ESPNL: variants seen among roughly 807,000 people sequenced by gnomAD.
ESPNL encodes espin like.
A neutral mutation model predicts 46.8 loss-of-function variants in ESPNL; 49 were observed. That is an observed-to-expected ratio of 1.05 (90% CI 0.83 to 1.33). ESPNL has a LOEUF of 1.33. Ranked by LOEUF, ESPNL falls within the 40% of genes most tolerant of loss-of-function variation. The pLI, the probability that ESPNL is intolerant of heterozygous loss-of-function variation, is 0.00. For synonymous variants in ESPNL, 664 were observed against 662.1 expected (o/e 1.00, Z -0.04); for missense variants, 1,540 against 1,436.6 (o/e 1.07, Z -1.16).
Position 238,131,900 on chromosome 2 carries a change from C to A in ESPNL, c.*168C>A. 1.4e-6 allele frequency: 1 copy of A among 736,244 alleles called. No individual in the cohort carries two copies. The allele number at this position is 736,244 out of a possible 1,614,324, so 45.6% of individuals were successfully genotyped here. A position where few individuals can be genotyped will look rare whatever the true frequency, so the allele number is the denominator to read the frequency against. On this transcript the variant is annotated 3_prime_UTR_variant, in exon 9 of 9. Transcript: ENST00000343063. Reference sequence around the variant, plus strand: ...TGTTCTGTTGTGGCATGGTTCTCCTCCGAGCTGGGACTCAGACTCCTTCTC... The same window carrying A: ...TGTTCTGTTGTGGCATGGTTCTCCTACGAGCTGGGACTCAGACTCCTTCTC...
chr2:238,113,736 T>G (rs1691758292), intron 4 of ESPNL, among the ~76,000 whole-genome samples: 1 of 152,172 alleles, frequency 6.6e-6, no homozygotes. Flanking sequence ...CCATTTTCTC[T>G]GAGGGTGGAG....
At chr2:238,123,046 C>A (rs1475195183) in intron 5 of ESPNL, among the ~76,000 whole-genome samples, 1 of 152,208 alleles carries the variant, frequency 6.6e-6, no homozygotes, top group Non-Finnish European at 1.5e-5. Flanking sequence ...GAGGCGTTCC[C>A]TTGCCCCCGA....
chr2:238,118,300 A>T (rs1182617857), intron 5 of ESPNL, among the ~76,000 whole-genome samples: 1 of 116,752 alleles, frequency 8.6e-6, no homozygotes, highest in East Asian at 3.0e-4. Context: ...GAATGGATGG[A>T]GGAGGGTAGA....
intron 5 of ESPNL, among the ~76,000 whole-genome samples, chr2:238,123,055 G>A (rs13392085): frequency 7.7e-4 from 117 of 152,294 alleles, no homozygotes; most frequent in African/African-American, 2.6e-3. Context: ...CCTTGCCCCC[G>A]AGTCCCAGGT....
At chr2:238,126,370 G>GTC (rs55674900) in intron 6 of ESPNL, among the ~76,000 whole-genome samples, 80,399 of 149,778 alleles carry the variant, frequency 0.54, 23,296 homozygotes, top group African/African-American at 0.77. Flanking sequence ...GTCTGTGTGT[G>GTC]TCTTTGTGAT....
At chr2:238,119,784 AC>A (rs1407041368) in intron 5 of ESPNL, among the ~76,000 whole-genome samples, 1 of 151,898 alleles carries the variant, frequency 6.6e-6, no homozygotes, top group Non-Finnish European at 1.5e-5. Context: ...CACCCCCCAA[AC>A]CCTTTGTCTC....
intron 5 of ESPNL, among the ~76,000 whole-genome samples, chr2:238,123,874 G>T (rs1354921119): frequency 1.3e-5 from 2 of 152,126 alleles, no homozygotes; most frequent in African/African-American, 4.8e-5. Flanking sequence ...CTTCCCCGTG[G>T]CCCAGTGGGG....
At chr2:238,103,851 C>G (rs962219551) in intron 2 of ESPNL, among the ~76,000 whole-genome samples, 1 of 152,172 alleles carries the variant, frequency 6.6e-6, no homozygotes, top group Non-Finnish European at 1.5e-5. Flanking sequence ...GGTCCTGTGT[C>G]CCCCTTGCTA....
rs747977490 is a variant in ESPNL, at chr2:238,126,794, TTGTG to T, written c.1103-826_1103-823del. ...TGTGTGTGATTCTGTGTGATTGTGT[TTGTG>T]TATGTCTGTTCTGTGTCTGTGTGTT... On this transcript the variant is annotated intron_variant, in intron 6 of 8. Coordinates refer to ENST00000343063, the MANE Select transcript of ESPNL (RefSeq NM_194312.4). Among the ~76,000 whole-genome samples, 56 of 151,594 alleles carry T rather than the reference TTGTG, an allele frequency of 3.7e-4. 1 individual carries two copies. Among genetic ancestry groups the T allele is most frequent in the South Asian group, 1.7e-3 (8 of 4,778 alleles).
intron 5 of ESPNL, among the ~76,000 whole-genome samples, chr2:238,119,761 T>C (rs1691944919): frequency 1.3e-5 from 2 of 152,066 alleles, no homozygotes; most frequent in Admixed American, 6.5e-5. Flanking sequence ...GACTGGAAGG[T>C]GTCATCGCCC....
chr2:238,122,014 C>T (rs1378091902), intron 5 of ESPNL, among the ~76,000 whole-genome samples: 1 of 152,232 alleles, frequency 6.6e-6, no homozygotes, highest in Non-Finnish European at 1.5e-5. Flanking sequence ...TGGCTCACCA[C>T]GATGCTCTCC....
intron 3 of ESPNL, among the ~76,000 whole-genome samples, chr2:238,107,061 G>C (rs1250034625): frequency 6.6e-6 from 1 of 152,236 alleles, no homozygotes; most frequent in African/African-American, 2.4e-5. Flanking sequence ...GGTGAAGGCG[G>C]GGAGCCAGCA....
intron 5 of ESPNL, among the ~76,000 whole-genome samples, chr2:238,120,754 GT>G (rs1174761710): frequency 6.6e-5 from 10 of 152,248 alleles, no homozygotes; most frequent in Non-Finnish European, 1.2e-4. Flanking sequence ...CACTGGAGCT[GT>G]CCCCTCTTCA....
At chr2:238,103,487 G>A (rs1309604546) in intron 2 of ESPNL, among the ~76,000 whole-genome samples, 6 of 151,890 alleles carry the variant, frequency 4.0e-5, no homozygotes, top group African/African-American at 1.2e-4. Flanking sequence ...ACGCACACAC[G>A]CACACACAAA....
chr2:238,104,640 C>A lies in ESPNL; in HGVS notation c.486-16C>A, dbSNP rs777343784. 49 of 1,554,168 alleles carry A rather than the reference C, an allele frequency of 3.2e-5. No homozygotes were observed. The highest frequency in any genetic ancestry group is 4.2e-5 in the Non-Finnish European group (48 of 1,147,304). ...ATAGGCAGGGACTGGGCCTCCAAAC[C>A]CTCCCTTCCCTGCAGCAGCGTGAAC... On this transcript the variant is annotated splice_polypyrimidine_tract_variant and intron_variant, in intron 2 of 8. Coordinates refer to ENST00000343063, the MANE Select transcript of ESPNL (RefSeq NM_194312.4).
chr2:238,114,214 G>T lies in ESPNL; in HGVS notation c.856-2689G>T, dbSNP rs1181934456. 6.6e-6 allele frequency among the ~76,000 whole-genome samples: 1 copy of T among 152,102 alleles called. No individual in the cohort carries two copies. The highest frequency in any genetic ancestry group is 1.5e-5 in the Non-Finnish European group (1 of 68,012). Reference sequence around the variant, plus strand: ...GCGGTGATGGGGTCCGTCACTCTGGGGGAGAGGTTCCCTTCCTCCTCCCCA... The same window carrying T: ...GCGGTGATGGGGTCCGTCACTCTGGTGGAGAGGTTCCCTTCCTCCTCCCCA... On this transcript the variant is annotated intron_variant, in intron 4 of 8. Coordinates refer to ENST00000343063, the MANE Select transcript of ESPNL (RefSeq NM_194312.4). The surrounding 1 kb of genome is among the most constrained non-coding windows in gnomAD (Gnocchi z 5.0).
rs528118842 is a variant in ESPNL, at chr2:238,127,863, T to C, written c.1215+129T>C. 5.9e-6 allele frequency: 4 copies of C among 676,164 alleles called. No homozygotes were observed. In the South Asian group the frequency reaches 7.7e-5, roughly 13 times the overall value. 41.9% of individuals were successfully genotyped at this position (676,164 alleles called of 1,614,324 possible). ...CCTGAAGGGTGGATGCCAGGCTGCCTGCGTCACTCCGCTGCTCTCGAGAAC... is the reference window on the plus strand; with the variant it reads ...CCTGAAGGGTGGATGCCAGGCTGCCCGCGTCACTCCGCTGCTCTCGAGAAC... On this transcript the variant is annotated intron_variant, in intron 7 of 8. Coordinates refer to ENST00000343063, the MANE Select transcript of ESPNL (RefSeq NM_194312.4).
At position 238,127,708 on chromosome 2, in the gene ESPNL, A is replaced by G; in HGVS notation, c.1189A>G (p.Ile397Val). The change falls in exon 7 of 9, where the codon ATC becomes GTC. Residue 397 changes from isoleucine to valine, a missense_variant. Transcript: ENST00000343063. ...GACCAGCCCGGCCCCTCCGAGGATC[A>G]TCACCAGTGCCACGGCTGACCCCGA... The part of the protein sequence containing the change: ...QMTSPAPPRI[I>V]TSATADPEGT... 2.5e-6 allele frequency: 4 copies of G among 1,611,486 alleles called. No homozygotes were observed. The South Asian group carries it at 3.3e-5, about 13-fold the overall frequency.
intron 2 of ESPNL, 147 bp from the exon 3 acceptor site, chr2:238,104,509 G>A (rs965061374): frequency 5.4e-6 from 5 of 933,334 alleles, no homozygotes; most frequent in Admixed American, 3.3e-5. Flanking sequence ...AACCTGGAGG[G>A]GGGAACCCCG....
Sources: allele counts gnomAD v4.1 joint callset (sites outside exome capture counted in the v4.1 genomes callset), GRCh38; gene constraint gnomAD v4.1.1; non-coding constraint Gnocchi (gnomAD v3.1); transcripts MANE v1.5; gene names NCBI Gene and HGNC (gene_info 2026-07-23, HGNC 2026-07-21).